The following SLC35F3 variants were observed in gnomAD, a reference collection of about 807,000 sequenced individuals.
The protein encoded by SLC35F3 is putative thiamine transporter SLC35F3.
SLC35F3 carries 25 observed loss-of-function variants against 49.9 expected under a neutral mutation model. The observed-to-expected ratio is 0.50, with a 90% CI of 0.37 to 0.70. The LOEUF (loss-of-function observed/expected upper bound fraction) is 0.70. SLC35F3 is among the 30% of genes least tolerant of loss of function. The probability of loss-of-function intolerance (pLI) is 0.00; values close to 1 mark genes in which losing one functional copy is unlikely to be tolerated. For missense variants in SLC35F3, 525 were observed against 639.8 expected (o/e 0.82, Z 1.94); for synonymous variants, 275 against 265.4 (o/e 1.04, Z -0.35).
intron 2 of SLC35F3, among the ~76,000 whole-genome samples, chr1:234,115,623 G>C (rs1003389259): frequency 4.6e-5 from 7 of 152,158 alleles, no homozygotes; most frequent in African/African-American, 1.7e-4. Context: ...GAGAAAAGTT[G>C]CAAAAATAGT....
chr1:233,947,438 G>A (rs1169636828), intron 2 of SLC35F3, among the ~76,000 whole-genome samples: 5 of 151,372 alleles, frequency 3.3e-5, no homozygotes. Context: ...AGAAGTCTTA[G>A]TGGGCATTAT....
At chr1:234,319,201 G>A (rs1657558951) in intron 6 of SLC35F3, among the ~76,000 whole-genome samples, 1 of 152,182 alleles carries the variant, frequency 6.6e-6, no homozygotes, top group Non-Finnish European at 1.5e-5. Flanking sequence ...GGTGTTGCAT[G>A]TTACCTACTA....
intron 2 of SLC35F3, among the ~76,000 whole-genome samples, chr1:234,080,085 A>T (rs1664851216): frequency 6.6e-6 from 1 of 152,180 alleles, no homozygotes; most frequent in South Asian, 2.1e-4. Flanking sequence ...AAGGGATAGA[A>T]CTTTCAGCCC....
chr1:234,209,548 G>T (rs1002153029), intron 2 of SLC35F3, among the ~76,000 whole-genome samples: 1 of 151,996 alleles, frequency 6.6e-6, no homozygotes, highest in African/African-American at 2.4e-5. Flanking sequence ...TATTCATATG[G>T]TCAATTAGAC....
intron 2 of SLC35F3, among the ~76,000 whole-genome samples, chr1:234,018,477 C>A (rs78341116): frequency 0.033 from 4,961 of 152,260 alleles, 250 homozygotes; most frequent in African/African-American, 0.11. Flanking sequence ...TCTCCTGCTT[C>A]TCCTTCCTTT....
chr1:233,944,239 C>A (rs1662477447), intron 2 of SLC35F3, among the ~76,000 whole-genome samples: 1 of 152,114 alleles, frequency 6.6e-6, no homozygotes, highest in Admixed American at 6.5e-5. Flanking sequence ...AGTAGATCAA[C>A]AAATCCAGGA....
At chr1:234,039,351 T>C (rs1474346482) in intron 2 of SLC35F3, among the ~76,000 whole-genome samples, 1 of 152,190 alleles carries the variant, frequency 6.6e-6, no homozygotes, top group Admixed American at 6.5e-5. Context: ...GTTGGAAAGA[T>C]AGGCTTCTAA....
chr1:233,913,874 G>A (rs1390114102), intron 2 of SLC35F3, among the ~76,000 whole-genome samples: 2 of 152,062 alleles, frequency 1.3e-5, no homozygotes, highest in African/African-American at 4.8e-5. Context: ...GTCCAGTTTT[G>A]GTAACTTTAA....
rs556234624 is a variant in SLC35F3, at chr1:234,002,961, A to G, written c.283+97203A>G. 5.9e-5 allele frequency among the ~76,000 whole-genome samples: 9 copies of G among 152,248 alleles called. No individual in the cohort carries two copies. In the East Asian group the frequency reaches 1.2e-3, roughly 20 times the overall value. ...CTAGCCACTCTTTCAGTTGGCTACT[A>G]TGTTCCTTTGACATACCTCCATCAT... On this transcript the variant is annotated intron_variant, in intron 2 of 7. Coordinates refer to ENST00000366618, the MANE Select transcript of SLC35F3 (RefSeq NM_173508.4).
At chr1:234,061,389 TTC>T (rs1274151248) in intron 2 of SLC35F3, among the ~76,000 whole-genome samples, 6 of 152,168 alleles carry the variant, frequency 3.9e-5, no homozygotes, top group Non-Finnish European at 7.4e-5. Flanking sequence ...TTTCAAAACT[TTC>T]TCTGTCTTAA....
At chr1:233,947,437 A>T (rs1328555531) in intron 2 of SLC35F3, among the ~76,000 whole-genome samples, 1 of 151,196 alleles carries the variant, frequency 6.6e-6, no homozygotes, top group Non-Finnish European at 1.5e-5. Flanking sequence ...GAGAAGTCTT[A>T]GTGGGCATTA....
At chr1:233,948,915 C>A (rs1425257128) in intron 2 of SLC35F3, among the ~76,000 whole-genome samples, 1 of 152,130 alleles carries the variant, frequency 6.6e-6, no homozygotes, top group Non-Finnish European at 1.5e-5. Context: ...ATTTTCTAAG[C>A]TGGGAGGCTG....
At chr1:234,306,661 C>G (rs377197227) in intron 3 of SLC35F3, 1 of 152,316 alleles carries the variant, frequency 6.6e-6, no homozygotes, top group African/African-American at 2.4e-5. Context: ...TCTGCCAGGC[C>G]TCAGAGTCTC....
intron 2 of SLC35F3, among the ~76,000 whole-genome samples, chr1:234,143,013 A>G (rs1020656676): frequency 2.6e-5 from 4 of 152,184 alleles, no homozygotes; most frequent in African/African-American, 7.2e-5. Context: ...GCAAATTAAC[A>G]TATCCGTCAC....
chr1:234,065,995 A>G (rs1293695190), intron 2 of SLC35F3, among the ~76,000 whole-genome samples: 2 of 152,172 alleles, frequency 1.3e-5, no homozygotes, highest in African/African-American at 4.8e-5. Flanking sequence ...CAAGAGCCAA[A>G]TCGGTTCCAT....
intron 3 of SLC35F3, among the ~76,000 whole-genome samples, chr1:234,284,540 C>A (rs971488369): frequency 8.5e-5 from 13 of 152,178 alleles, no homozygotes; most frequent in Non-Finnish European, 1.9e-4. Context: ...TTTCTGTGTG[C>A]CTGGACTGTT....
At chr1:233,907,218 C>A (rs940788554) in intron 2 of SLC35F3, among the ~76,000 whole-genome samples, 4 of 152,218 alleles carry the variant, frequency 2.6e-5, no homozygotes. Context: ...GTATAAATGA[C>A]AGCCTTCATA....
intron 2 of SLC35F3, among the ~76,000 whole-genome samples, chr1:234,105,208 G>A (rs1051160241): frequency 4.0e-5 from 6 of 151,578 alleles, no homozygotes; most frequent in Non-Finnish European, 8.8e-5. Context: ...CAGTTCCCAC[G>A]AAAAGGAATA....
intron 2 of SLC35F3, among the ~76,000 whole-genome samples, chr1:233,991,828 C>G (rs954234164): frequency 2.0e-5 from 3 of 152,042 alleles, no homozygotes; most frequent in African/African-American, 7.2e-5. Context: ...ATTATTTTGC[C>G]TGTTTATTTA....
Sources: gnomAD v4.1 joint callset for allele counts (sites outside exome capture counted in the v4.1 genomes callset) on GRCh38, gnomAD v4.1.1 for gene constraint, MANE v1.5 for transcripts, NCBI Gene and HGNC (gene_info 2026-07-23, HGNC 2026-07-21) for gene names.